The following ANXA8 variants were observed in gnomAD, a reference collection of about 807,000 sequenced individuals.
The protein encoded by ANXA8 is annexin A8.
ANXA8 carries 9 observed loss-of-function variants against 26.8 expected under a neutral mutation model. The observed-to-expected ratio is 0.34, with a 90% CI of 0.20 to 0.59. The LOEUF is 0.59. ANXA8 is among the 20% of genes least tolerant of loss of function. ANXA8 has a pLI of 0.84. For synonymous variants in ANXA8, 39 were observed against 94.8 expected (o/e 0.41, Z 3.42); for missense variants, 83 against 238.5 (o/e 0.35, Z 4.29).
the ANXA8 span, among the ~76,000 whole-genome samples, chr10:47,515,497 A>G: frequency 2.8e-5 from 1 of 36,076 alleles, no homozygotes; most frequent in Non-Finnish European, 5.0e-5. Context: ...GGTAAAATGT[A>G]AAAAAAAAAA....
the ANXA8 span, among the ~76,000 whole-genome samples, chr10:47,666,813 C>G: frequency 3.9e-5 from 6 of 151,932 alleles, no homozygotes; most frequent in Non-Finnish European, 5.9e-5. Context: ...TTCATTTCCT[C>G]TTCTCATAGG....
At chr10:47,510,205 C>T in the ANXA8 span, 5 of 1,435,618 alleles carry the variant, frequency 3.5e-6, 1 homozygote, top group Admixed American at 4.0e-5. Context: ...TGCTGGATGG[C>T]TGTGCTGTCA....
At chr10:47,743,369 T>TATAC in the ANXA8 span, among the ~76,000 whole-genome samples, 1 of 38,944 alleles carries the variant, frequency 2.6e-5, no homozygotes, top group Admixed American at 4.0e-4. Context: ...TATATATATA[T>TATAC]ACATATATAT....
At chr10:47,562,052 A>G in the ANXA8 span, among the ~76,000 whole-genome samples, 1 of 151,854 alleles carries the variant, frequency 6.6e-6, no homozygotes. Context: ...TTATTTCACA[A>G]TTTGAGAATC....
At chr10:47,683,023 A>C in the ANXA8 span, among the ~76,000 whole-genome samples, 1 of 152,182 alleles carries the variant, frequency 6.6e-6, no homozygotes, top group Non-Finnish European at 1.5e-5. Context: ...AGTTATGCAA[A>C]GAGAGTCGAG....
the ANXA8 span, among the ~76,000 whole-genome samples, chr10:47,621,190 C>T: frequency 9.8e-6 from 1 of 101,868 alleles, no homozygotes; most frequent in Non-Finnish European, 2.1e-5. Context: ...TGACCTGTTC[C>T]TGTCTGATAC....
the ANXA8 span, among the ~76,000 whole-genome samples, chr10:47,650,878 A>G: frequency 9.1e-4 from 137 of 150,322 alleles, 2 homozygotes; most frequent in African/African-American, 3.3e-3. Context: ...CCAAATAAAC[A>G]CATGAAATAC....
chr10:47,503,447 C>A, the ANXA8 span: 2 of 1,609,102 alleles, frequency 1.2e-6, no homozygotes, highest in Non-Finnish European at 1.7e-6. Flanking sequence ...AACTGAGGGT[C>A]CTCCTGGCTG....
the ANXA8 span, among the ~76,000 whole-genome samples, chr10:47,700,962 G>T: frequency 6.6e-6 from 1 of 151,312 alleles, no homozygotes; most frequent in Admixed American, 6.6e-5. Flanking sequence ...CATGCCTATG[G>T]TCCCAGCTAC....
chr10:47,744,408 T>TGGG, the ANXA8 span, among the ~76,000 whole-genome samples: 2 of 4,326 alleles, frequency 4.6e-4, no homozygotes, highest in African/African-American at 7.0e-4. Flanking sequence ...GGAAGGCTCC[T>TGGG]GGTGGGGGGG....
chr10:47,918,383 G>GAGAGAGAAAGAAAGAAAGAA, the ANXA8 span, among the ~76,000 whole-genome samples: 1 of 10,502 alleles, frequency 9.5e-5, no homozygotes, highest in East Asian at 1.3e-3. Context: ...GAGAGAGAGA[G>GAGAGAGAAAGAAAGAAAGAA]AGAAAGAAAG....
chr10:47,579,393 C>G, the ANXA8 span, among the ~76,000 whole-genome samples: 3 of 64,326 alleles, frequency 4.7e-5, no homozygotes, highest in Non-Finnish European at 1.1e-4. Flanking sequence ...CTGCCCACCT[C>G]AGCATCCCAA....
At chr10:47,969,210 T>A in the ANXA8 span, among the ~76,000 whole-genome samples, 1 of 151,420 alleles carries the variant, frequency 6.6e-6, no homozygotes, top group South Asian at 2.1e-4. Context: ...GCTTCCGGAC[T>A]GTCACAGTTA....
At chr10:47,589,948 G>A in the ANXA8 span, among the ~76,000 whole-genome samples, 2 of 144,854 alleles carry the variant, frequency 1.4e-5, no homozygotes, top group Non-Finnish European at 3.0e-5. Context: ...TAGATAGATA[G>A]TTGCTGCCTT....
chr10:47,645,632 G>A, the ANXA8 span, among the ~76,000 whole-genome samples: 1 of 151,670 alleles, frequency 6.6e-6, no homozygotes, highest in Admixed American at 6.6e-5. Flanking sequence ...TCCCTGTGAT[G>A]AGTAACTTCA....
At chr10:47,973,804 A>C in the ANXA8 span, among the ~76,000 whole-genome samples, 1 of 151,226 alleles carries the variant, frequency 6.6e-6, no homozygotes, top group Non-Finnish European at 1.5e-5. Context: ...TTAACAATAC[A>C]AAAAGCAGAA....
the ANXA8 span, among the ~76,000 whole-genome samples, chr10:47,500,757 C>T: frequency 1.0e-4 from 12 of 117,840 alleles, no homozygotes; most frequent in Admixed American, 7.1e-4. Context: ...TTTTTGAGAC[C>T]GAGTCTTGCT....
chr10:47,499,025 C>A, the ANXA8 span, among the ~76,000 whole-genome samples: 1 of 141,842 alleles, frequency 7.1e-6, no homozygotes, highest in Non-Finnish European at 1.5e-5. Flanking sequence ...TCGCTTGAGC[C>A]CAGGAGGTGA....
At chr10:47,736,948 C>G in the ANXA8 span, among the ~76,000 whole-genome samples, 1 of 151,870 alleles carries the variant, frequency 6.6e-6, no homozygotes, top group African/African-American at 2.4e-5. Flanking sequence ...AACCACTGCG[C>G]CCAGCCTTAA....
Sources: allele counts gnomAD v4.1 joint callset (sites outside exome capture counted in the v4.1 genomes callset), GRCh38; gene constraint gnomAD v4.1.1; transcripts MANE v1.5; gene names NCBI Gene and HGNC (gene_info 2026-07-23, HGNC 2026-07-21).